The following CDKAL1 variants were observed in gnomAD, a reference collection of about 807,000 sequenced individuals.
The protein encoded by CDKAL1 is threonylcarbamoyladenosine tRNA methylthiotransferase.
Under a neutral mutation model 68.2 loss-of-function variants are expected in CDKAL1, and 32 were observed. The ratio of observed to expected loss-of-function variants is 0.47; its 90% CI spans 0.35 to 0.63. The LOEUF (loss-of-function observed/expected upper bound fraction) is 0.63, where lower values mean the gene tolerates loss of function less well. Among genes scored for constraint, CDKAL1 ranks in the 30% least tolerant of loss-of-function variants. The probability of loss-of-function intolerance (pLI) is 0.00; values close to 1 mark genes in which losing one functional copy is unlikely to be tolerated. For synonymous variants in CDKAL1, 234 were observed against 244.3 expected, an observed-to-expected ratio of 0.96 and a Z score of 0.39; for missense variants, 606 against 696.7, an observed-to-expected ratio of 0.87 and a Z score of 1.47.
chr6:21,097,215 G>A (rs1384417177), intron 12 of CDKAL1, among the ~76,000 whole-genome samples: 1 of 152,182 alleles, frequency 6.6e-6, no homozygotes, highest in African/African-American at 2.4e-5. Flanking sequence ...CACACCTGTA[G>A]TGCTAGCACT....
intron 8 of CDKAL1, among the ~76,000 whole-genome samples, chr6:20,791,941 G>A (rs940690721): frequency 1.3e-5 from 2 of 150,540 alleles, no homozygotes; most frequent in Non-Finnish European, 2.9e-5. Flanking sequence ...CAGCTTTCCT[G>A]TTGCTTTAAG....
intron 15 of CDKAL1, among the ~76,000 whole-genome samples, chr6:21,218,589 C>T (rs1288658202): frequency 6.6e-6 from 1 of 152,216 alleles, no homozygotes; most frequent in Admixed American, 6.5e-5. Flanking sequence ...GATTCAGTTT[C>T]TCATGGGTTG....
chr6:20,535,187 C>T (rs981043), intron 1 of CDKAL1, 164 bp from the exon 2 acceptor site: 13,733 of 152,306 alleles, frequency 0.09, 726 homozygotes, highest in African/African-American at 0.12. Flanking sequence ...TGTCAGCACA[C>T]CTGTTGTAAT....
At chr6:21,071,476 G>T (rs773237909) in intron 12 of CDKAL1, among the ~76,000 whole-genome samples, 4 of 152,112 alleles carry the variant, frequency 2.6e-5, no homozygotes, top group African/African-American at 9.7e-5. Context: ...CCAGTCTCAG[G>T]CATTTCTTTA....
intron 12 of CDKAL1, among the ~76,000 whole-genome samples, chr6:21,106,515 G>A (rs935715610): frequency 1.3e-5 from 2 of 152,238 alleles, no homozygotes; most frequent in African/African-American, 4.8e-5. Context: ...GCCCAAGGCT[G>A]CAGTGAGCGA....
chr6:20,633,075 T>C (rs1385688971), intron 4 of CDKAL1, among the ~76,000 whole-genome samples: 1 of 152,216 alleles, frequency 6.6e-6, no homozygotes, highest in Non-Finnish European at 1.5e-5. Flanking sequence ...TGTATTGAGA[T>C]AATAATTCCT....
intron 4 of CDKAL1, among the ~76,000 whole-genome samples, chr6:20,568,600 T>C (rs575993236): frequency 1.3e-5 from 2 of 151,616 alleles, no homozygotes; most frequent in Non-Finnish European, 2.9e-5. Flanking sequence ...CCGGGCGTGG[T>C]GGCGGGCGCC....
At chr6:21,060,857 C>G (rs992456931) in intron 11 of CDKAL1, among the ~76,000 whole-genome samples, 4 of 152,044 alleles carry the variant, frequency 2.6e-5, no homozygotes, top group Non-Finnish European at 5.9e-5. Context: ...TTTGGTAGGT[C>G]TAGTCCTTTG....
chr6:20,812,199 A>T (rs1414082094), intron 8 of CDKAL1, among the ~76,000 whole-genome samples: 1 of 152,334 alleles, frequency 6.6e-6, no homozygotes, highest in Admixed American at 6.5e-5. Flanking sequence ...TATTTAAGAT[A>T]TTAAAAAATG....
At chr6:20,645,755 A>AAT (rs1438810088) in intron 4 of CDKAL1, among the ~76,000 whole-genome samples, 2,325 of 135,776 alleles carry the variant, frequency 0.017, 62 homozygotes, top group African/African-American at 0.054. Flanking sequence ...TAAATAAATA[A>AAT]AAATAAATAA....
chr6:20,676,176 A>G (rs961533229), intron 5 of CDKAL1, among the ~76,000 whole-genome samples: 1 of 126,024 alleles, frequency 7.9e-6, no homozygotes, highest in Non-Finnish European at 1.6e-5. Context: ...AAAAAGTTAT[A>G]GTAAGCTGTT....
intron 12 of CDKAL1, among the ~76,000 whole-genome samples, chr6:21,094,518 G>A (rs1012557314): frequency 6.6e-6 from 1 of 152,140 alleles, no homozygotes; most frequent in Non-Finnish European, 1.5e-5. Context: ...AACTCTCCAA[G>A]ATAGAATCTT....
At chr6:21,074,270 C>T (rs1354327404) in intron 12 of CDKAL1, among the ~76,000 whole-genome samples, 1 of 152,158 alleles carries the variant, frequency 6.6e-6, no homozygotes, top group Non-Finnish European at 1.5e-5. Context: ...CTGCATAGCT[C>T]TAGTCTCTGA....
intron 4 of CDKAL1, among the ~76,000 whole-genome samples, chr6:20,567,969 G>A (rs998907257): frequency 5.9e-5 from 9 of 151,796 alleles, no homozygotes; most frequent in Non-Finnish European, 7.4e-5. Context: ...TCCTCCTCCC[G>A]GGTTCACGCC....
At chr6:20,798,770 G>A (rs1441473727) in intron 8 of CDKAL1, among the ~76,000 whole-genome samples, 1 of 141,148 alleles carries the variant, frequency 7.1e-6, no homozygotes, top group East Asian at 2.2e-4. Context: ...TAATGGGATG[G>A]GGGGAGGGGG....
intron 9 of CDKAL1, among the ~76,000 whole-genome samples, chr6:20,909,228 G>A (rs978846753): frequency 2.5e-4 from 37 of 150,480 alleles, no homozygotes; most frequent in Non-Finnish European, 4.3e-4. Context: ...TATTACTCTT[G>A]TTGAATTTAA....
At chr6:20,645,766 ATAATT>A (rs1313594148) in intron 4 of CDKAL1, among the ~76,000 whole-genome samples, 22 of 123,692 alleles carry the variant, frequency 1.8e-4, no homozygotes, top group Non-Finnish European at 2.8e-4. Flanking sequence ...AAATAAATAA[ATAATT>A]TTATTTTATT....
chr6:21,058,528 G>A (rs751794050), intron 11 of CDKAL1, among the ~76,000 whole-genome samples: 15 of 152,148 alleles, frequency 9.9e-5, no homozygotes, highest in Non-Finnish European at 2.2e-4. Flanking sequence ...GGCTAATATT[G>A]TTATGTTTGA....
chr6:20,987,858 C>T (rs561702092), intron 10 of CDKAL1, among the ~76,000 whole-genome samples: 1 of 151,772 alleles, frequency 6.6e-6, no homozygotes. Context: ...CGACTCACTG[C>T]AGCCTTGACT....
Sources: allele counts gnomAD v4.1 joint callset (sites outside exome capture counted in the v4.1 genomes callset), GRCh38; gene constraint gnomAD v4.1.1; transcripts MANE v1.5; gene names NCBI Gene and HGNC (gene_info 2026-07-23, HGNC 2026-07-21).